PPP1R7: variants seen among roughly 807,000 people sequenced by gnomAD.
The protein encoded by PPP1R7 is protein phosphatase 1 regulatory subunit 22.
PPP1R7 carries 18 observed loss-of-function variants against 45.2 expected under a neutral mutation model. The ratio of observed to expected loss-of-function variants is 0.40; its 90% CI spans 0.28 to 0.59. PPP1R7 has a LOEUF of 0.59. Among genes scored for constraint, PPP1R7 ranks in the 20% least tolerant of loss-of-function variants. The pLI is 0.46. For synonymous variants in PPP1R7, 181 were observed against 183.4 expected (o/e 0.99, Z 0.11); for missense variants, 314 against 455.8 (o/e 0.69, Z 2.83).
chr2:241,150,671 G>C (rs2067249229), intron 1 of PPP1R7, 124 bp downstream of exon 1: 1 of 1,302,598 alleles, frequency 7.7e-7, no homozygotes, highest in Non-Finnish European at 9.8e-7. Context: ...GCGGCCCCCT[G>C]ACAGCTGACA....
rs1389240455 is a variant in PPP1R7 at position 241,183,139 on chromosome 2, T to G, written c.*316T>G. 4.9e-6 allele frequency: 2 copies of G among 405,160 alleles called. No homozygotes were observed. Among genetic ancestry groups the G allele is most frequent in the Non-Finnish European group, 9.4e-6 (2 of 212,880 alleles). 25.1% of individuals were successfully genotyped at this position (405,160 alleles called of 1,614,324 possible). On this transcript the variant is annotated 3_prime_UTR_variant, in exon 10 of 10. Coordinates refer to ENST00000234038, the MANE Select transcript of PPP1R7 (RefSeq NM_002712.3). ...TCAGAAGGCAGTCACAGTCCCTACCTGAGTCGTGTGAAACACAGGGCCTGA... is the reference window on the plus strand; with the variant it reads ...TCAGAAGGCAGTCACAGTCCCTACCGGAGTCGTGTGAAACACAGGGCCTGA...
At chr2:241,159,035 T>C (rs2067524230) in intron 4 of PPP1R7, 178 bp from the exon 5 acceptor site, 7 of 716,464 alleles carry the variant, frequency 9.8e-6, no homozygotes, top group South Asian at 1.7e-5. Context: ...TAAGGAATTA[T>C]AGCTTAGTGC....
intron 8 of PPP1R7, 83 bp downstream of exon 8, chr2:241,166,524 C>T (rs11694223): frequency 0.073 from 85,036 of 1,172,612 alleles, 3,731 homozygotes; most frequent in South Asian, 0.15. Context: ...CACACACTGG[C>T]CTCTCGGGCC....
rs11885101 is a variant in PPP1R7 at position 241,156,921 on chromosome 2, G to A, written c.182-886G>A. On this transcript the variant is annotated intron_variant, in intron 2 of 9. Transcript: ENST00000234038. Reference sequence around the variant, plus strand: ...CTGTGTATACCACTGTTGTGCATGCGTGTGTCTGTGTAGTGTGCATACGTG... The same window carrying A: ...CTGTGTATACCACTGTTGTGCATGCATGTGTCTGTGTAGTGTGCATACGTG... Among the ~76,000 whole-genome samples the A allele has an allele frequency of 6.3e-3, 959 of 151,602 alleles. 10 individuals carry two copies. The highest frequency in any genetic ancestry group is 0.022 in the African/African-American group (883 of 40,934).
chr2:241,170,462 C>G (rs534362131), intron 9 of PPP1R7, among the ~76,000 whole-genome samples: 18 of 152,136 alleles, frequency 1.2e-4, no homozygotes, highest in South Asian at 2.1e-4. Context: ...GGAAATGATC[C>G]CCGAGTGGAA....
intron 2 of PPP1R7, among the ~76,000 whole-genome samples, chr2:241,153,887 C>G (rs1480860186): frequency 6.6e-6 from 1 of 152,074 alleles, no homozygotes; most frequent in East Asian, 1.9e-4. Context: ...TGAGACAGAA[C>G]CATGACATTG....
chr2:241,150,110 G>A (rs905472104), upstream of PPP1R7: 4 of 1,263,208 alleles, frequency 3.2e-6, no homozygotes, highest in Non-Finnish European at 4.0e-6. Context: ...CCTGGCCCGC[G>A]GCCCCTCCAC....
chr2:241,158,322 A>ATCACT, intron 3 of PPP1R7, 162 bp from the exon 4 acceptor site: 1 of 650,634 alleles, frequency 1.5e-6, no homozygotes, highest in Non-Finnish European at 2.8e-6. Flanking sequence ...TCACTAAGCC[A>ATCACT]AAGAGCCCCC....
chr2:241,171,956 G>A (rs1437112571), intron 9 of PPP1R7, among the ~76,000 whole-genome samples: 5 of 152,146 alleles, frequency 3.3e-5, no homozygotes, highest in Admixed American at 1.3e-4. Flanking sequence ...TAAAAAGTAT[G>A]TAACTAGATC....
Position 241,182,851 on chromosome 2 carries a change from TCTC to T in PPP1R7, c.*32_*34del, listed in dbSNP as rs772035563. 9 of 1,596,484 alleles carry T rather than the reference TCTC, an allele frequency of 5.6e-6. No homozygotes were observed. In the South Asian group the frequency reaches 7.7e-5, roughly 14 times the overall value. ...CCTTCTTGGCTCCTCATGTGGTCCC[TCTC>T]CTCGGAAGAACTGCCCAGCCACGGG... On this transcript the variant is annotated 3_prime_UTR_variant, in exon 10 of 10. Coordinates refer to ENST00000234038, the MANE Select transcript of PPP1R7 (RefSeq NM_002712.3).
intron 3 of PPP1R7, among the ~76,000 whole-genome samples, 187 bp from the exon 4 acceptor site, chr2:241,158,297 C>T (rs2125486069): frequency 6.6e-6 from 1 of 152,308 alleles, no homozygotes; most frequent in African/African-American, 2.4e-5. Flanking sequence ...GCCAGTTTTA[C>T]ATAAAACTTA....
chr2:241,158,555 A>G lies in PPP1R7; in HGVS notation c.303+6A>G. 1 of 1,611,116 alleles carries G rather than the reference A, an allele frequency of 6.2e-7. No homozygotes were observed. The highest frequency in any genetic ancestry group is 8.5e-7 in the Non-Finnish European group (1 of 1,177,224). On this transcript the variant is annotated splice_donor_region_variant and intron_variant, in intron 4 of 9. Transcript: ENST00000234038. ...AGGTACTGAAGAAAGTGAAGGTGAG[A>G]GGGACTCTTATGAGGGGACTATGAC...
intron 6 of PPP1R7, among the ~76,000 whole-genome samples, chr2:241,161,981 T>C (rs964068511): frequency 7.9e-5 from 12 of 152,330 alleles, no homozygotes; most frequent in African/African-American, 2.4e-4. Context: ...TCTGGAAGTA[T>C]TACAGCATTC....
intron 9 of PPP1R7, among the ~76,000 whole-genome samples, chr2:241,173,946 C>G (rs1298913118): frequency 7.1e-6 from 1 of 141,770 alleles, no homozygotes; most frequent in Non-Finnish European, 1.5e-5. Flanking sequence ...TTATTTTTCT[C>G]TCTTCATTAG....
At chr2:241,173,019 CGGT>C (rs1343569052) in intron 9 of PPP1R7, among the ~76,000 whole-genome samples, 1 of 151,678 alleles carries the variant, frequency 6.6e-6, no homozygotes, top group Non-Finnish European at 1.5e-5. Context: ...GGGCCAGACA[CGGT>C]GGCTCACACC....
intron 8 of PPP1R7, chr2:241,167,228 G>T: frequency 3.0e-6 from 2 of 657,038 alleles, no homozygotes; most frequent in Admixed American, 3.2e-5. Flanking sequence ...AACCAGATTG[G>T]TCTATAAACA....
intron 6 of PPP1R7, 42 bp downstream of exon 6, chr2:241,160,536 A>G (rs562617155): frequency 7.2e-6 from 11 of 1,517,792 alleles, no homozygotes; most frequent in Non-Finnish European, 9.7e-6. Flanking sequence ...AGGGAGAGGC[A>G]GCTAGCGGGC....
At chr2:241,180,638 C>T (rs561301361) in intron 9 of PPP1R7, among the ~76,000 whole-genome samples, 3 of 152,164 alleles carry the variant, frequency 2.0e-5, no homozygotes, top group African/African-American at 7.2e-5. Context: ...ATGGCTTCCC[C>T]TGTAATTCTA....
Position 241,157,855 on chromosome 2 carries a change from A to G in PPP1R7, c.230A>G (p.Asp77Gly). Residue 77 changes from aspartate (D) to glycine (G), a missense_variant, in exon 3 of 10, where the codon GAT becomes GGT. Physicochemically the swap from Asp to Gly is moderately conservative, Grantham distance 94. Transcript: ENST00000234038. ...ATGGAAACCATCAACCTGGACAGAG[A>G]TGCAGAGGTAATGCCGCCTGCTCAG... ...VDMETINLDR[D>G]AEDVDLNHYR... is the part of the protein sequence containing the mutation. The G allele has an allele frequency of 6.2e-7, 1 of 1,614,008 alleles. No homozygotes were observed. The highest frequency in any genetic ancestry group is 8.5e-7 in the Non-Finnish European group (1 of 1,179,836).
Sources: allele counts gnomAD v4.1 joint callset (sites outside exome capture counted in the v4.1 genomes callset), GRCh38; gene constraint gnomAD v4.1.1; transcripts MANE v1.5; gene names NCBI Gene and HGNC (gene_info 2026-07-23, HGNC 2026-07-21).